DENND5A: variants seen among roughly 807,000 people sequenced by gnomAD.
DENND5A encodes the protein DENN domain-containing protein 5A.
A neutral mutation model predicts 140.3 loss-of-function variants in DENND5A; 64 were observed. That is an observed-to-expected ratio of 0.46 (90% CI 0.37 to 0.56). The LOEUF (loss-of-function observed/expected upper bound fraction) is 0.56. Ranked by LOEUF, DENND5A falls within the 20% of genes least tolerant of loss-of-function variation. The pLI is 0.00. For synonymous variants in DENND5A, 605 were observed against 607.7 expected (o/e 1.00, Z 0.07); for missense variants, 1,292 against 1,593.8 (o/e 0.81, Z 3.22).
chr11:9,192,230 ATGCTGCCCAGTCATGACCAGTGACACAG>A (rs1314397326), intron 5 of DENND5A, among the ~76,000 whole-genome samples: 1 of 152,218 alleles, frequency 6.6e-6, no homozygotes, highest in Non-Finnish European at 1.5e-5. Flanking sequence ...TTCATCAAAG[ATGCTGCCCAGTCATGACCAGTGACACAG>A]TGCTGCCCAG....
Position 9,145,705 on chromosome 11 carries a change from G to C in DENND5A, c.2968C>G (p.Gln990Glu). ...ATCTCTAGCACATTCCTGGGAATCT[G>C]CATGATCTGTGTCTCACCCAATTCT... ...SGELGETQIMQIPRNVLEMTF... is the reference protein window; with the variant it reads ...SGELGETQIMEIPRNVLEMTF... The change falls in exon 17 of 23, where the codon CAG (glutamine) becomes GAG (glutamate). Residue 990 changes from glutamine to glutamate, a missense_variant. By Grantham distance (29) the Gln-to-Glu change is conservative. Transcript: ENST00000328194. 6.2e-7 allele frequency: 1 copy of C among 1,614,190 alleles called. No individual in the cohort carries two copies. Among genetic ancestry groups the C allele is most frequent in the Non-Finnish European group, 8.5e-7 (1 of 1,180,016 alleles).
intron 1 of DENND5A, among the ~76,000 whole-genome samples, chr11:9,244,104 C>A (rs754991165): frequency 6.6e-6 from 1 of 152,100 alleles, no homozygotes; most frequent in Admixed American, 6.6e-5. Context: ...AGAATTAGTG[C>A]CCCTAACCCC....
chr11:9,241,285 A>G (rs1186652876), intron 1 of DENND5A, among the ~76,000 whole-genome samples: 1 of 152,212 alleles, frequency 6.6e-6, no homozygotes, highest in East Asian at 1.9e-4. Flanking sequence ...CTTAGTATGC[A>G]TCAGGACAGT....
At chr11:9,169,516 C>CACACACACACACAT (rs1306476814) in intron 10 of DENND5A, among the ~76,000 whole-genome samples, 1 of 151,172 alleles carries the variant, frequency 6.6e-6, no homozygotes, top group African/African-American at 2.5e-5. Context: ...CACACACACA[C>CACACACACACACAT]ACACACACAC....
chr11:9,166,305 C>T (rs1306767075), intron 10 of DENND5A, among the ~76,000 whole-genome samples: 1 of 151,972 alleles, frequency 6.6e-6, no homozygotes, highest in African/African-American at 2.4e-5. Context: ...TCTTTATCTC[C>T]TGACCTGGTG....
intron 16 of DENND5A, chr11:9,146,827 C>T (rs1847447003): frequency 1.8e-6 from 1 of 568,858 alleles, no homozygotes; most frequent in Non-Finnish European, 3.1e-6. Context: ...CTGAGCTCTC[C>T]AGTTCAGAAC....
At chr11:9,239,635 C>T (rs117515676) in intron 1 of DENND5A, among the ~76,000 whole-genome samples, 8,823 of 135,064 alleles carry the variant, frequency 0.065, 354 homozygotes, top group South Asian at 0.12. Context: ...CTCAGCTTTT[C>T]ATTTTTTGTA....
At chr11:9,182,510 T>C (rs1590242968) in intron 5 of DENND5A, among the ~76,000 whole-genome samples, 1 of 152,188 alleles carries the variant, frequency 6.6e-6, no homozygotes, top group African/African-American at 2.4e-5. Context: ...TCTACTCTTC[T>C]CCTCTTTAGC....
At chr11:9,148,164 C>T (rs528107165) in intron 15 of DENND5A, among the ~76,000 whole-genome samples, 67 of 152,202 alleles carry the variant, frequency 4.4e-4, no homozygotes, top group South Asian at 4.4e-3. Flanking sequence ...AAGAGCCATA[C>T]GCTTCAGTGG....
chr11:9,246,784 A>G (rs1851490731), intron 1 of DENND5A, among the ~76,000 whole-genome samples: 1 of 152,156 alleles, frequency 6.6e-6, no homozygotes, highest in African/African-American at 2.4e-5. Flanking sequence ...AACCAACTGC[A>G]AATCAGAAAA....
chr11:9,144,017 T>C, intron 19 of DENND5A, 80 bp downstream of exon 19: 1 of 1,485,018 alleles, frequency 6.7e-7, no homozygotes, highest in Non-Finnish European at 9.0e-7. Flanking sequence ...GGGACCCAGG[T>C]TCCCATTATC....
intron 1 of DENND5A, among the ~76,000 whole-genome samples, chr11:9,221,659 C>A (rs1392054030): frequency 6.6e-6 from 1 of 151,930 alleles, no homozygotes; most frequent in East Asian, 1.9e-4. Flanking sequence ...AGCCACCGCG[C>A]CCAGCCAACC....
At chr11:9,259,137 G>A (rs1197075471) in intron 1 of DENND5A, among the ~76,000 whole-genome samples, 1 of 152,076 alleles carries the variant, frequency 6.6e-6, no homozygotes, top group Non-Finnish European at 1.5e-5. Flanking sequence ...GCACATGCCT[G>A]TAATCCCAGC....
At chr11:9,188,755 AT>A (rs766986711) in intron 5 of DENND5A, among the ~76,000 whole-genome samples, 20 of 152,300 alleles carry the variant, frequency 1.3e-4, no homozygotes, top group Non-Finnish European at 2.4e-4. Flanking sequence ...GGCAGAAGAA[AT>A]TTCTAAGCAG....
At chr11:9,230,435 C>A (rs1479933130) in intron 1 of DENND5A, among the ~76,000 whole-genome samples, 1 of 151,486 alleles carries the variant, frequency 6.6e-6, no homozygotes, top group African/African-American at 2.4e-5. Context: ...CAGACAGGTT[C>A]TCACCGTTTT....
At chr11:9,264,912 C>T (rs780534741) in intron 1 of DENND5A, 49 bp downstream of exon 1, 32 of 1,462,980 alleles carry the variant, frequency 2.2e-5, no homozygotes, top group Non-Finnish European at 3.0e-5. Flanking sequence ...TCTGGGGTCC[C>T]CGACGACAGC....
intron 4 of DENND5A, among the ~76,000 whole-genome samples, chr11:9,198,170 G>A (rs1282641138): frequency 6.6e-6 from 1 of 152,114 alleles, no homozygotes; most frequent in Non-Finnish European, 1.5e-5. Flanking sequence ...AGACTCAGTA[G>A]TACAAAGTCA....
Position 9,178,244 on chromosome 11 carries a change from G to A in DENND5A, c.1794C>T (p.Asp598=), listed in dbSNP as rs377381275. 14 of 1,613,832 alleles carry A rather than the reference G, an allele frequency of 8.7e-6. No homozygotes were observed. In the South Asian group the frequency reaches 8.8e-5, roughly 10 times the overall value. The part of the protein sequence containing the change: ...KIMCHDDDDK[D]PVLRVFDSRV... ...GGGAATCAAATACCCGGAGTACAGG[G>A]TCTTTATCATCATCATCATGACACA... The change falls in exon 8 of 23, where the codon GAC becomes GAT. Residue 598 remains aspartate, a synonymous_variant. Coordinates refer to ENST00000328194, the MANE Select transcript of DENND5A (RefSeq NM_015213.4).
Position 9,265,070 on chromosome 11 carries a change from G to T in DENND5A, c.-1C>A. The stretch of plus-strand genomic sequence containing the variant: ...CCCCTCCGCCGCCGCCGCCACTCAT[G>T]GCGCCGGGGCCGAGACCGGCCGGGC... On this transcript the variant is annotated 5_prime_UTR_variant, in exon 1 of 23. Transcript: ENST00000328194. The surrounding 1 kb of genome is among the most constrained non-coding windows in gnomAD (Gnocchi z 4.7). The T allele has an allele frequency of 6.5e-7, 1 of 1,527,744 alleles. No homozygotes were observed. Among genetic ancestry groups the T allele is most frequent in the South Asian group, 1.2e-5 (1 of 82,930 alleles). The allele number at this position is 1,527,744 out of a possible 1,614,324, so 94.6% of individuals were successfully genotyped here.
Sources: allele counts gnomAD v4.1 joint callset (sites outside exome capture counted in the v4.1 genomes callset), GRCh38; gene constraint gnomAD v4.1.1; non-coding constraint Gnocchi (gnomAD v3.1); transcripts MANE v1.5; gene names NCBI Gene and HGNC (gene_info 2026-07-23, HGNC 2026-07-21).